INPP4A: variants seen among roughly 807,000 people sequenced by gnomAD.
INPP4A encodes inositol polyphosphate-4-phosphatase, type I, 107kD.
In INPP4A, 33 loss-of-function variants were observed where a neutral mutation model predicts 119.8. The observed-to-expected ratio is 0.28, with a 90% CI of 0.21 to 0.37. INPP4A has a LOEUF of 0.37. INPP4A is among the 10% of genes least tolerant of loss of function. The pLI, the probability that INPP4A is intolerant of heterozygous loss-of-function variation, is 1.00. For missense variants in INPP4A, 956 were observed against 1,289.9 expected (o/e 0.74, Z 3.97); for synonymous variants, 496 against 500.7 (o/e 0.99, Z 0.12).
chr2:98,503,329 G>A (rs1472932584), intron 1 of INPP4A, among the ~76,000 whole-genome samples: 1 of 152,158 alleles, frequency 6.6e-6, no homozygotes, highest in Non-Finnish European at 1.5e-5. Context: ...CCAGCTCTGT[G>A]GTCTGGTGTT....
chr2:98,466,104 G>T (rs936168865), intron 1 of INPP4A, among the ~76,000 whole-genome samples: 4 of 152,172 alleles, frequency 2.6e-5, no homozygotes, highest in Non-Finnish European at 5.9e-5. Flanking sequence ...GGAATGCAGT[G>T]GCGTGATCTC....
At chr2:98,482,389 A>C (rs1451342890) in intron 1 of INPP4A, among the ~76,000 whole-genome samples, 3 of 152,220 alleles carry the variant, frequency 2.0e-5, no homozygotes, top group Admixed American at 2.0e-4. Flanking sequence ...GCAGGGCCTC[A>C]AGGGATGTTA....
At chr2:98,463,880 GTC>G (rs940293901) in intron 1 of INPP4A, among the ~76,000 whole-genome samples, 1 of 152,206 alleles carries the variant, frequency 6.6e-6, no homozygotes, top group African/African-American at 2.4e-5. Flanking sequence ...TTTTCCTCCA[GTC>G]TCTGCTCGCT....
intron 7 of INPP4A, 141 bp from the exon 8 acceptor site, chr2:98,537,721 AG>A: frequency 4.6e-6 from 3 of 645,226 alleles, no homozygotes; most frequent in Non-Finnish European, 8.6e-6. Context: ...CTGTGTGCAC[AG>A]TGAATGCTGA....
At chr2:98,508,955 A>AC (rs1391618982) in intron 1 of INPP4A, among the ~76,000 whole-genome samples, 2 of 152,056 alleles carry the variant, frequency 1.3e-5, no homozygotes, top group African/African-American at 4.8e-5. Context: ...GGGTTGATTC[A>AC]CCTCAAGAAA....
Position 98,555,559 on chromosome 2 carries a change from G to C in INPP4A, c.1573G>C (p.Val525Leu). 1 of 1,598,636 alleles carries C rather than the reference G, an allele frequency of 6.3e-7. No homozygotes were observed. Among genetic ancestry groups the C allele is most frequent in the South Asian group, 1.1e-5 (1 of 89,718 alleles). The change falls in exon 16 of 25, where the codon GTG (valine) becomes CTG (leucine). Residue 525 changes from valine to leucine, a missense_variant. By Grantham distance (32) the Val-to-Leu change is conservative (BLOSUM62 1). This residue lies in a region of INPP4A where 652 missense variants were observed against 797.9 expected (regional missense o/e 0.82). Transcript: ENST00000409851. Reference protein sequence around the residue: ...VDWHEEEWEKVWLNVDKSLEC... With the variant: ...VDWHEEEWEKLWLNVDKSLEC... ...GGCCCCTTTGATTTGGAAGGAGAAA[G>C]TGTGGCTGAACGTGGACAAGAGCCT...
At chr2:98,562,058 C>A (rs1037207392) in intron 17 of INPP4A, among the ~76,000 whole-genome samples, 2 of 152,208 alleles carry the variant, frequency 1.3e-5, no homozygotes, top group African/African-American at 4.8e-5. Context: ...CCTGTGGTCA[C>A]CTCTGCTCAG....
intron 1 of INPP4A, among the ~76,000 whole-genome samples, chr2:98,514,152 C>A (rs921093862): frequency 6.6e-6 from 1 of 152,146 alleles, no homozygotes. Context: ...GTCGTCTTTA[C>A]GTTAAAGTCA....
At chr2:98,579,353 A>G (rs1698942788) in intron 24 of INPP4A, among the ~76,000 whole-genome samples, 1 of 152,176 alleles carries the variant, frequency 6.6e-6, no homozygotes, top group Non-Finnish European at 1.5e-5. Flanking sequence ...GCCCAGCCGC[A>G]TTTTACACAC....
intron 22 of INPP4A, 145 bp downstream of exon 22, chr2:98,568,813 C>CAGAG: frequency 1.7e-6 from 1 of 605,110 alleles, no homozygotes; most frequent in Non-Finnish European, 3.0e-6. Flanking sequence ...CACACACACG[C>CAGAG]AGAGAGAGAG....
rs546712453 is a variant in INPP4A, at chr2:98,492,856, A to G, written c.-165-26108A>G. Among the ~76,000 whole-genome samples, 33 of 152,334 alleles carry G rather than the reference A, an allele frequency of 2.2e-4. No individual in the cohort carries two copies. In the South Asian group the frequency reaches 5.4e-3, roughly 25 times the overall value. ...GTACTGACTTTGGATCTTGCAGGCT[A>G]TTGAGAATTCCCATTTAATAGATAA... is the stretch of plus-strand genomic sequence containing the variant. On this transcript the variant is annotated intron_variant, in intron 1 of 24. Transcript: ENST00000409851.
intron 10 of INPP4A, among the ~76,000 whole-genome samples, chr2:98,542,239 G>A (rs1233264124): frequency 6.6e-6 from 1 of 152,254 alleles, no homozygotes; most frequent in Non-Finnish European, 1.5e-5. Context: ...AGCGGCCTGA[G>A]GCCATGGGGC....
chr2:98,503,333 T>G (rs1369629558), intron 1 of INPP4A, among the ~76,000 whole-genome samples: 2 of 152,218 alleles, frequency 1.3e-5, no homozygotes, highest in Admixed American at 1.3e-4. Context: ...CTCTGTGGTC[T>G]GGTGTTAAAG....
chr2:98,524,037 G>A (rs145368618), intron 4 of INPP4A, among the ~76,000 whole-genome samples: 135 of 152,200 alleles, frequency 8.9e-4, no homozygotes, highest in Non-Finnish European at 1.5e-3. Context: ...CATTTTAAAT[G>A]CCTTCATAGA....
intron 9 of INPP4A, among the ~76,000 whole-genome samples, 180 bp downstream of exon 9, chr2:98,539,161 A>G (rs1256415631): frequency 6.6e-6 from 1 of 152,234 alleles, no homozygotes; most frequent in Non-Finnish European, 1.5e-5. Context: ...AAAAACAATT[A>G]TAATTTTCCT....
chr2:98,458,931 A>C (rs1470375930), intron 1 of INPP4A, among the ~76,000 whole-genome samples: 2 of 152,000 alleles, frequency 1.3e-5, no homozygotes. Context: ...CTCTCAGCAC[A>C]CTCTTTGTGG....
At chr2:98,515,292 A>G (rs894924030) in intron 1 of INPP4A, among the ~76,000 whole-genome samples, 1 of 152,188 alleles carries the variant, frequency 6.6e-6, no homozygotes, top group Non-Finnish European at 1.5e-5. Context: ...CCTCTTTCTT[A>G]GAGGCTGCTG....
intron 16 of INPP4A, among the ~76,000 whole-genome samples, chr2:98,557,193 T>G (rs1048928994): frequency 6.6e-6 from 1 of 152,248 alleles, no homozygotes; most frequent in African/African-American, 2.4e-5. Context: ...TATTCAGTTT[T>G]AAAGTTAGTT....
chr2:98,559,242 TG>T (rs1695024588), intron 16 of INPP4A, among the ~76,000 whole-genome samples: 1 of 152,280 alleles, frequency 6.6e-6, no homozygotes, highest in Non-Finnish European at 1.5e-5. Context: ...CTGGGGAATC[TG>T]TCATTGTTTA....
Sources: gnomAD v4.1 joint callset for allele counts (sites outside exome capture counted in the v4.1 genomes callset) on GRCh38, gnomAD v4.1.1 for gene constraint, gnomAD v4.1.1 regional missense constraint, MANE v1.5 for transcripts, NCBI Gene and HGNC (gene_info 2026-07-23, HGNC 2026-07-21) for gene names.